Variants in GPC6 observed in about 807,000 individuals in gnomAD.
GPC6 encodes the protein glypican-6.
GPC6 carries 14 observed loss-of-function variants against 55.2 expected under a neutral mutation model. The ratio of observed to expected loss-of-function variants is 0.25; its 90% CI spans 0.17 to 0.40. The LOEUF (loss-of-function observed/expected upper bound fraction) is 0.40. Ranked by LOEUF, GPC6 falls within the 10% of genes least tolerant of loss-of-function variation. The pLI is 1.00. For synonymous variants in GPC6, 278 were observed against 259.6 expected, an observed-to-expected ratio of 1.07 and a Z score of -0.68; for missense variants, 641 against 708.5, an observed-to-expected ratio of 0.90 and a Z score of 1.08.
intron 3 of GPC6, among the ~76,000 whole-genome samples, chr13:93,928,855 T>C (rs1186431064): frequency 4.5e-5 from 2 of 44,734 alleles, no homozygotes. Flanking sequence ...TCCCTGTGTG[T>C]TACACACACA....
At chr13:93,631,113 G>T (rs1594326011) in intron 2 of GPC6, among the ~76,000 whole-genome samples, 1 of 152,088 alleles carries the variant, frequency 6.6e-6, no homozygotes, top group African/African-American at 2.4e-5. Flanking sequence ...GAAAAATTAG[G>T]CTCGCAGACA....
At chr13:93,744,999 T>C (rs1884351246) in intron 2 of GPC6, among the ~76,000 whole-genome samples, 1 of 151,468 alleles carries the variant, frequency 6.6e-6, no homozygotes, top group Admixed American at 6.6e-5. Flanking sequence ...CCTCTCCACC[T>C]CCACAGTGGG....
chr13:94,214,682 A>G (rs1213080391), intron 4 of GPC6, among the ~76,000 whole-genome samples: 1 of 152,154 alleles, frequency 6.6e-6, no homozygotes, highest in Non-Finnish European at 1.5e-5. Flanking sequence ...TGATGGAAGA[A>G]CTGTTTTATA....
At chr13:93,842,563 C>T (rs1037786048) in intron 3 of GPC6, among the ~76,000 whole-genome samples, 2 of 152,074 alleles carry the variant, frequency 1.3e-5, no homozygotes, top group African/African-American at 4.8e-5. Flanking sequence ...AAACCTTTCA[C>T]TCCCAACTGT....
At chr13:93,872,241 A>G (rs954599255) in intron 3 of GPC6, among the ~76,000 whole-genome samples, 1 of 151,984 alleles carries the variant, frequency 6.6e-6, no homozygotes, top group South Asian at 2.1e-4. Flanking sequence ...TTGCCAGTAA[A>G]AAACACTTAT....
intron 1 of GPC6, among the ~76,000 whole-genome samples, chr13:93,407,434 G>C (rs183680827): frequency 6.6e-6 from 1 of 152,016 alleles, no homozygotes; most frequent in South Asian, 2.1e-4. Flanking sequence ...GGCTGAGACC[G>C]TGCCTGACTT....
At chr13:93,547,348 A>G (rs1187824475) in intron 2 of GPC6, among the ~76,000 whole-genome samples, 1 of 152,190 alleles carries the variant, frequency 6.6e-6, no homozygotes, top group African/African-American at 2.4e-5. Flanking sequence ...TCTGTCTCAA[A>G]ACAAACAACA....
intron 3 of GPC6, among the ~76,000 whole-genome samples, chr13:93,940,437 G>T (rs1253303595): frequency 1.3e-5 from 2 of 151,766 alleles, no homozygotes; most frequent in African/African-American, 4.8e-5. Context: ...TGGATGGATG[G>T]ATGGATGGAT....
chr13:93,938,015 A>G (rs1594603254), intron 3 of GPC6, among the ~76,000 whole-genome samples: 1 of 152,210 alleles, frequency 6.6e-6, no homozygotes, highest in African/African-American at 2.4e-5. Context: ...AAATTATAAT[A>G]CCCTTAATTA....
intron 2 of GPC6, among the ~76,000 whole-genome samples, chr13:93,718,446 G>A (rs1370794347): frequency 6.6e-6 from 1 of 151,734 alleles, no homozygotes; most frequent in Non-Finnish European, 1.5e-5. Context: ...TACTTTTGAT[G>A]GGGTTAATTA....
At chr13:93,458,709 C>G (rs1369644271) in intron 1 of GPC6, among the ~76,000 whole-genome samples, 1 of 152,072 alleles carries the variant, frequency 6.6e-6, no homozygotes, top group Non-Finnish European at 1.5e-5. Flanking sequence ...ATTTTTCTTT[C>G]CTAGACTCCA....
At chr13:94,079,060 G>A (rs1885018069) in intron 4 of GPC6, among the ~76,000 whole-genome samples, 1 of 151,780 alleles carries the variant, frequency 6.6e-6, no homozygotes. Context: ...GAAATGACAA[G>A]AAAAATAATA....
At chr13:94,342,166 C>T (rs1433744623) in intron 6 of GPC6, among the ~76,000 whole-genome samples, 1 of 152,178 alleles carries the variant, frequency 6.6e-6, no homozygotes, top group African/African-American at 2.4e-5. Flanking sequence ...TTATTTCGTT[C>T]CAGTAGCTGA....
At chr13:93,291,334 T>A (rs866996458) in intron 1 of GPC6, among the ~76,000 whole-genome samples, 3 of 152,162 alleles carry the variant, frequency 2.0e-5, no homozygotes, top group Non-Finnish European at 2.9e-5. Context: ...CATTGTCTCT[T>A]GATTTCAACC....
chr13:94,263,169 C>T lies in GPC6; in HGVS notation c.878-23180C>T, dbSNP rs74651153. On this transcript the variant is annotated intron_variant, in intron 4 of 8. Transcript: ENST00000377047. ...TGTAAACAAGAGGAAGGGCAGCGTC[C>T]TGGAGTTTCAGAAGACTTGGAGAAG... Among the ~76,000 whole-genome samples the T allele has an allele frequency of 5.7e-3, 871 of 152,270 alleles. 13 individuals carry two copies. Among genetic ancestry groups the T allele is most frequent in the African/African-American group, 0.02 (817 of 41,558 alleles).
intron 3 of GPC6, among the ~76,000 whole-genome samples, chr13:93,838,924 T>A (rs538507274): frequency 6.6e-6 from 1 of 152,230 alleles, no homozygotes; most frequent in East Asian, 1.9e-4. Flanking sequence ...ATAGCAACAT[T>A]TATCTAGAGA....
chr13:93,954,327 T>TA lies in GPC6; in HGVS notation c.712-73402_712-73401insA, dbSNP rs369228399. On this transcript the variant is annotated intron_variant, in intron 3 of 8. Coordinates refer to ENST00000377047, the MANE Select transcript of GPC6 (RefSeq NM_005708.5). ...CACAGTGCCTTTATTTTTATTTATT[T>TA]TTATTTTTGACAAGGTCTCATCTGT... Among the ~76,000 whole-genome samples the TA allele has an allele frequency of 4.1e-3, 618 of 152,290 alleles. 6 individuals carry two copies. The highest frequency in any genetic ancestry group is 0.014 in the African/African-American group (599 of 41,570).
intron 1 of GPC6, among the ~76,000 whole-genome samples, chr13:93,375,635 C>G (rs1874858445): frequency 6.6e-6 from 1 of 152,140 alleles, no homozygotes; most frequent in South Asian, 2.1e-4. Context: ...TTCAGAGGGC[C>G]CTTCGCCCAG....
At chr13:94,076,470 A>G (rs1446150218) in intron 4 of GPC6, among the ~76,000 whole-genome samples, 1 of 151,962 alleles carries the variant, frequency 6.6e-6, no homozygotes, top group African/African-American at 2.4e-5. Flanking sequence ...TTTGCTGCAC[A>G]GGAACTTTTA....
Sources: gnomAD v4.1 joint callset for allele counts (sites outside exome capture counted in the v4.1 genomes callset) on GRCh38, gnomAD v4.1.1 for gene constraint, MANE v1.5 for transcripts, NCBI Gene and HGNC (gene_info 2026-07-23, HGNC 2026-07-21) for gene names.